Variants in CD6 observed in about 807,000 individuals in gnomAD.
CD6 encodes the protein CD6 molecule, also known as T-cell differentiation antigen CD6.
CD6 carries 53 observed loss-of-function variants against 75.3 expected under a neutral mutation model. The observed-to-expected ratio is 0.70, with a 90% CI of 0.56 to 0.88. CD6 has a LOEUF of 0.88. CD6 is among the 40% of genes least tolerant of loss of function. The pLI is 0.00. For synonymous variants in CD6, 359 were observed against 381.5 expected (o/e 0.94, Z 0.69); for missense variants, 770 against 897.1 (o/e 0.86, Z 1.81).
At chr11:60,987,042 C>T (rs1857846082) in intron 1 of CD6, among the ~76,000 whole-genome samples, 1 of 152,152 alleles carries the variant, frequency 6.6e-6, no homozygotes, top group Admixed American at 6.5e-5. Context: ...GCAAGGGAAT[C>T]GCTTGAACCT....
intron 1 of CD6, among the ~76,000 whole-genome samples, chr11:60,986,161 A>G (rs1565145030): frequency 6.6e-6 from 1 of 152,266 alleles, no homozygotes; most frequent in Non-Finnish European, 1.5e-5. Context: ...TGTAAACATT[A>G]GTCATCCTTA....
At chr11:61,015,502 T>G in intron 8 of CD6, 1 of 545,484 alleles carries the variant, frequency 1.8e-6, no homozygotes, top group Non-Finnish European at 3.2e-6. Context: ...GCCCAGGAGG[T>G]CAATGCTGCA....
At chr11:60,998,851 A>G (rs1230595840) in intron 1 of CD6, among the ~76,000 whole-genome samples, 17 of 7,972 alleles carry the variant, frequency 2.1e-3, no homozygotes, top group East Asian at 0.021. Context: ...ACAAGGCAGA[A>G]AAAAAAAAAA....
intron 1 of CD6, among the ~76,000 whole-genome samples, chr11:60,988,567 C>T (rs992463704): frequency 1.2e-4 from 18 of 152,172 alleles, no homozygotes; most frequent in Non-Finnish European, 2.4e-4. Context: ...CTGCCAGGGC[C>T]GGTCCCTGAC....
chr11:61,018,519 G>A (rs1490180946), intron 12 of CD6, 126 bp downstream of exon 12: 7 of 579,626 alleles, frequency 1.2e-5, no homozygotes, highest in South Asian at 2.4e-5. Context: ...AGAAGAGAGG[G>A]AAAGTAACTT....
At chr11:60,974,910 G>A (rs1857310911) in intron 1 of CD6, among the ~76,000 whole-genome samples, 1 of 152,144 alleles carries the variant, frequency 6.6e-6, no homozygotes, top group Non-Finnish European at 1.5e-5. Flanking sequence ...CTGACACTAT[G>A]ACGCAGTAAC....
At position 61,017,829 on chromosome 11, in the gene CD6, C is replaced by G. The variant is rs758993625; in HGVS notation, c.1653C>G (p.Ser551=). 6.2e-6 allele frequency: 10 copies of G among 1,614,034 alleles called. No individual in the cohort carries two copies. The highest frequency in any genetic ancestry group is 6.8e-6 in the Non-Finnish European group (8 of 1,180,030). ...GACACTGCATTACAGACCCGCCATC[C>G]CTGGGCCCTCAGTATCACCCGAGGA... is the stretch of plus-strand genomic sequence containing the variant. The part of the protein sequence containing the change: ...NPGHCITDPP[S]LGPQYHPRSN... The change falls in exon 11 of 13, where the codon TCC becomes TCG. Residue 551 remains serine, a synonymous_variant. Coordinates refer to ENST00000313421, the MANE Select transcript of CD6 (RefSeq NM_006725.5).
At chr11:61,005,296 G>C (rs1009901313) in intron 1 of CD6, among the ~76,000 whole-genome samples, 1 of 152,232 alleles carries the variant, frequency 6.6e-6, no homozygotes, top group Non-Finnish European at 1.5e-5. Context: ...AGACAGTCAA[G>C]GAGAGGTCAC....
At chr11:61,017,265 A>C in intron 9 of CD6, 1 of 577,096 alleles carries the variant, frequency 1.7e-6, no homozygotes, top group East Asian at 2.9e-5. Context: ...AGGGCACTAG[A>C]GTTTCTGTCC....
chr11:60,972,850 A>G (rs1857239417), intron 1 of CD6, among the ~76,000 whole-genome samples: 1 of 152,054 alleles, frequency 6.6e-6, no homozygotes, highest in South Asian at 2.1e-4. Flanking sequence ...CTGGGCAGGG[A>G]GTGCTCTCCT....
intron 1 of CD6, among the ~76,000 whole-genome samples, chr11:60,972,355 G>T (rs1857217917): frequency 6.6e-6 from 1 of 152,226 alleles, no homozygotes; most frequent in East Asian, 1.9e-4. Flanking sequence ...TCACAGGAGA[G>T]CACCTCCCGA....
rs573060347 is a variant in CD6, at chr11:60,997,360, T to C, written c.50-9214T>C. Among the ~76,000 whole-genome samples, 22 of 143,140 alleles carry C rather than the reference T, an allele frequency of 1.5e-4. No homozygotes were observed. The East Asian group carries it at 4.0e-3, about 26-fold the overall frequency. 93.9% of individuals were successfully genotyped at this position (143,140 alleles called of 152,430 possible). A position where few individuals can be genotyped will look rare whatever the true frequency, so the allele number is the denominator to read the frequency against. ...TACCACTGCCCTCCAGCCTGGGTGATAGGGCGAGACTCCGTCTCAAAAAAA... is the reference window on the plus strand; with the variant it reads ...TACCACTGCCCTCCAGCCTGGGTGACAGGGCGAGACTCCGTCTCAAAAAAA... On this transcript the variant is annotated intron_variant, in intron 1 of 12. Coordinates refer to ENST00000313421, the MANE Select transcript of CD6 (RefSeq NM_006725.5).
At chr11:60,978,221 G>A (rs1321287833) in intron 1 of CD6, among the ~76,000 whole-genome samples, 1 of 152,218 alleles carries the variant, frequency 6.6e-6, no homozygotes, top group African/African-American at 2.4e-5. Flanking sequence ...AGGACAAAGG[G>A]GGTGGGCATG....
At chr11:61,002,153 T>C (rs1303393809) in intron 1 of CD6, among the ~76,000 whole-genome samples, 1 of 152,232 alleles carries the variant, frequency 6.6e-6, no homozygotes, top group East Asian at 1.9e-4. Context: ...TATTTCATTC[T>C]TTATAAAGGC....
chr11:61,015,260 T>G (rs1859346311), intron 8 of CD6, among the ~76,000 whole-genome samples: 1 of 152,180 alleles, frequency 6.6e-6, no homozygotes, highest in Admixed American at 6.5e-5. Flanking sequence ...AACTTCAGAC[T>G]GGGTGGCTTG....
At chr11:61,009,012 T>A (rs2074226) in intron 4 of CD6, among the ~76,000 whole-genome samples, 167 bp downstream of exon 4, 1 of 151,952 alleles carries the variant, frequency 6.6e-6, no homozygotes, top group Non-Finnish European at 1.5e-5. Flanking sequence ...GAGAAAGTGG[T>A]AAATGCCCCC....
intron 6 of CD6, among the ~76,000 whole-genome samples, chr11:61,012,505 G>A (rs543765456): frequency 6.6e-6 from 1 of 152,074 alleles, no homozygotes; most frequent in African/African-American, 2.4e-5. Context: ...AAATGAAGAC[G>A]GGGAGAGGAG....
Position 61,020,025 on chromosome 11 carries a change from G to A in CD6, c.*707G>A, listed in dbSNP as rs760939203. The A allele has an allele frequency of 5.0e-5, 20 of 397,286 alleles. No individual in the cohort carries two copies. Among genetic ancestry groups the A allele is most frequent in the Non-Finnish European group, 8.4e-5 (19 of 225,884 alleles). The allele number at this position is 397,286 out of a possible 1,614,324, so 24.6% of individuals were successfully genotyped here. A position where few individuals can be genotyped will look rare whatever the true frequency, so the allele number is the denominator to read the frequency against. On this transcript the variant is annotated 3_prime_UTR_variant, in exon 13 of 13. Transcript: ENST00000313421. ...TCCGCCAGGGGCACAGACCAGTTCT[G>A]CAGTGACTGTCCCTGGACAATGGGT...
At chr11:60,971,985 C>A in intron 1 of CD6, 71 bp downstream of exon 1, 1 of 1,490,016 alleles carries the variant, frequency 6.7e-7, no homozygotes, top group Non-Finnish European at 9.3e-7. Context: ...AGTCCCCTTT[C>A]TGGTTGTTTC....
Sources: allele counts gnomAD v4.1 joint callset (sites outside exome capture counted in the v4.1 genomes callset), GRCh38; gene constraint gnomAD v4.1.1; transcripts MANE v1.5; gene names NCBI Gene and HGNC (gene_info 2026-07-23, HGNC 2026-07-21).